PEX14: variants seen among roughly 807,000 people sequenced by gnomAD.
PEX14 encodes peroxisomal membrane protein PEX14.
A neutral mutation model predicts 49.5 loss-of-function variants in PEX14; 15 were observed. The observed-to-expected ratio is 0.30, with a 90% CI of 0.20 to 0.47. PEX14 has a LOEUF of 0.47. Ranked by LOEUF, PEX14 falls within the 20% of genes least tolerant of loss-of-function variation. The pLI is 1.00. For missense variants in PEX14, 398 were observed against 494.8 expected (o/e 0.80, Z 1.86); for synonymous variants, 210 against 212.7 (o/e 0.99, Z 0.11).
Position 10,539,301 on chromosome 1 carries a change from G to A in PEX14, c.169+3004G>A, listed in dbSNP as rs1638932846. ...TGTTTTTTGTTTTGAGATCTCTTTC[G>A]GATGCTTTAAAATCTGAACATGGAG... On this transcript the variant is annotated intron_variant, in intron 3 of 8. Coordinates refer to ENST00000356607, the MANE Select transcript of PEX14 (RefSeq NM_004565.3). The surrounding 1 kb of genome is among the most constrained non-coding windows in gnomAD (Gnocchi z 4.6). Among the ~76,000 whole-genome samples the A allele has an allele frequency of 6.6e-6, 1 of 151,920 alleles. No homozygotes were observed. Among genetic ancestry groups the A allele is most frequent in the South Asian group, 2.1e-4 (1 of 4,824 alleles).
rs1057060990 is a variant in PEX14 at position 10,597,432 on chromosome 1, C to A, written c.170-1806C>A. Among the ~76,000 whole-genome samples the A allele has an allele frequency of 5.3e-5, 8 of 152,190 alleles. No homozygotes were observed. The highest frequency in any genetic ancestry group is 1.0e-4 in the Non-Finnish European group (7 of 68,028). On this transcript the variant is annotated intron_variant, in intron 3 of 8. Transcript: ENST00000356607. The surrounding 1 kb of genome is among the most constrained non-coding windows in gnomAD (Gnocchi z 5.7). ...TACACAGGCTGGAACCTGAGAGGCA[C>A]AAACTCAGGGCGGGGGTATTCTCTG...
rs187365770 is a variant in PEX14, at chr1:10,589,730, A to G, written c.170-9508A>G. Among the ~76,000 whole-genome samples, 8 of 152,282 alleles carry G rather than the reference A, an allele frequency of 5.3e-5. No homozygotes were observed. The East Asian group carries it at 1.5e-3, about 29-fold the overall frequency. The stretch of plus-strand genomic sequence containing the variant: ...GCCTGGCTTTCTACATAAGTCTTTT[A>G]CTACATTATTTTATTATTTCTTAGA... On this transcript the variant is annotated intron_variant, in intron 3 of 8. Transcript: ENST00000356607.
At chr1:10,563,973 G>A (rs1289124422) in intron 3 of PEX14, among the ~76,000 whole-genome samples, 1 of 151,162 alleles carries the variant, frequency 6.6e-6, no homozygotes, top group Non-Finnish European at 1.5e-5. Context: ...TTTCAGTCTT[G>A]TTATTGCTCC....
chr1:10,573,665 TA>T (rs1048683054), intron 3 of PEX14, among the ~76,000 whole-genome samples: 27 of 152,220 alleles, frequency 1.8e-4, no homozygotes, highest in African/African-American at 6.5e-4. Context: ...TAGCTGCCTT[TA>T]AAAAGCTGGC....
chr1:10,616,648 C>G (rs900742408), intron 4 of PEX14, among the ~76,000 whole-genome samples: 1 of 152,150 alleles, frequency 6.6e-6, no homozygotes, highest in African/African-American at 2.4e-5. Context: ...TGGAGATGGC[C>G]GCTCCAGAAA....
At position 10,487,101 on chromosome 1, in the gene PEX14, T is replaced by C. The variant is rs1641382882; in HGVS notation, c.37-8173T>C. On this transcript the variant is annotated intron_variant, in intron 1 of 8. Coordinates refer to ENST00000356607, the MANE Select transcript of PEX14 (RefSeq NM_004565.3). ...TTCCTTTCTTTTATTAATATGGTGA[T>C]TTATGTTGATTGATTTTTGAAATGT... 2.0e-5 allele frequency among the ~76,000 whole-genome samples: 3 copies of C among 152,326 alleles called. No homozygotes were observed. The South Asian group carries it at 6.2e-4, about 32-fold the overall frequency.
chr1:10,482,607 T>TATTTTTAG (rs1325947332), intron 1 of PEX14, among the ~76,000 whole-genome samples: 1 of 152,060 alleles, frequency 6.6e-6, no homozygotes, highest in Non-Finnish European at 1.5e-5. Context: ...CTAATTTTTG[T>TATTTTTAG]ATTTTTAGTA....
chr1:10,538,324 A>G (rs574191720), intron 3 of PEX14, among the ~76,000 whole-genome samples: 2 of 152,276 alleles, frequency 1.3e-5, no homozygotes, highest in East Asian at 3.9e-4. Context: ...CAGTGGACAT[A>G]ATTCCTTCTT....
At chr1:10,505,453 A>G (rs1641765221) in intron 2 of PEX14, among the ~76,000 whole-genome samples, 1 of 152,058 alleles carries the variant, frequency 6.6e-6, no homozygotes, top group East Asian at 1.9e-4. Context: ...CAAAAACAAA[A>G]CACAATCTTT....
chr1:10,492,929 T>G (rs1202081254), intron 1 of PEX14, among the ~76,000 whole-genome samples: 1 of 152,206 alleles, frequency 6.6e-6, no homozygotes, highest in African/African-American at 2.4e-5. Context: ...GCAGGTGGTG[T>G]TACCTGAATG....
At chr1:10,478,055 ATTT>A (rs796331986) in intron 1 of PEX14, among the ~76,000 whole-genome samples, 1 of 147,494 alleles carries the variant, frequency 6.8e-6, no homozygotes, top group Non-Finnish European at 1.5e-5. Context: ...GGCCTGGCTA[ATTT>A]TTTTTTTTAA....
chr1:10,510,833 A>C (rs995253453), intron 2 of PEX14, among the ~76,000 whole-genome samples: 8 of 152,236 alleles, frequency 5.3e-5, no homozygotes, highest in African/African-American at 1.9e-4. Context: ...ACTGGGCCAC[A>C]CATATGCCGA....
chr1:10,487,962 A>G (rs1423613195), intron 1 of PEX14, among the ~76,000 whole-genome samples: 1 of 145,288 alleles, frequency 6.9e-6, no homozygotes, highest in Non-Finnish European at 1.5e-5. Context: ...TGTATTTTTA[A>G]TTGCGATGGG....
At position 10,514,468 on chromosome 1, in the gene PEX14, C is replaced by T. The variant is rs566478690; in HGVS notation, c.84+19147C>T. Among the ~76,000 whole-genome samples the T allele has an allele frequency of 3.9e-5, 6 of 152,234 alleles. No individual in the cohort carries two copies. In the East Asian group the frequency reaches 1.2e-3, roughly 29 times the overall value. On this transcript the variant is annotated intron_variant, in intron 2 of 8. Coordinates refer to ENST00000356607, the MANE Select transcript of PEX14 (RefSeq NM_004565.3). This position sits in a 1 kb window ranked among gnomAD's most constrained non-coding sequence, Gnocchi z 4.4. The stretch of plus-strand genomic sequence containing the variant: ...TCCTGGCAGGAAATTGGTCTATTAG[C>T]GATTCACCTTCTTGGTGAGTAGCTA...
chr1:10,599,133 C>T (rs570983675), intron 3 of PEX14, 105 bp from the exon 4 acceptor site: 11 of 1,172,212 alleles, frequency 9.4e-6, no homozygotes, highest in South Asian at 3.7e-5. Context: ...TACTAGGATG[C>T]GAGGCATTCT....
intron 7 of PEX14, among the ~76,000 whole-genome samples, chr1:10,626,508 C>T (rs1322424427): frequency 1.3e-5 from 2 of 152,248 alleles, no homozygotes; most frequent in Non-Finnish European, 2.9e-5. Flanking sequence ...CCCACAGCAG[C>T]CCCCGACCCC....
intron 3 of PEX14, among the ~76,000 whole-genome samples, chr1:10,574,521 G>A (rs1362910836): frequency 2.0e-5 from 3 of 152,178 alleles, no homozygotes; most frequent in African/African-American, 7.2e-5. Context: ...TTAAAAATTA[G>A]TGCTACTCAT....
chr1:10,479,595 G>C (rs1241869061), intron 1 of PEX14, among the ~76,000 whole-genome samples: 1 of 152,180 alleles, frequency 6.6e-6, no homozygotes, highest in Non-Finnish European at 1.5e-5. Context: ...TTACTTCACA[G>C]TTACTGAGTA....
intron 3 of PEX14, among the ~76,000 whole-genome samples, chr1:10,581,323 T>TTTTC (rs1640309392): frequency 1.3e-5 from 2 of 150,664 alleles, no homozygotes; most frequent in Non-Finnish European, 3.0e-5. Flanking sequence ...TTTTTTTTTT[T>TTTTC]TGAGACAGAG....
Sources: gnomAD v4.1 joint callset for allele counts (sites outside exome capture counted in the v4.1 genomes callset) on GRCh38, gnomAD v4.1.1 for gene constraint, Gnocchi (gnomAD v3.1) non-coding constraint, MANE v1.5 for transcripts, NCBI Gene and HGNC (gene_info 2026-07-23, HGNC 2026-07-21) for gene names.